The following ANO3 variants were observed in gnomAD, a reference collection of about 807,000 sequenced individuals.
ANO3 encodes anoctamin 3.
ANO3 carries 99 observed loss-of-function variants against 144.8 expected under a neutral mutation model. The ratio of observed to expected loss-of-function variants is 0.68; its 90% CI spans 0.58 to 0.81. The LOEUF is 0.81. Among genes scored for constraint, ANO3 ranks in the 30% least tolerant of loss-of-function variants. ANO3 has a pLI of 0.00. For missense variants in ANO3, 905 were observed against 1,202.2 expected, an observed-to-expected ratio of 0.75 and a Z score of 3.66; for synonymous variants, 414 against 392.6, an observed-to-expected ratio of 1.05 and a Z score of -0.64.
chr11:26,607,405 AG>A (rs900125213), intron 17 of ANO3, among the ~76,000 whole-genome samples: 7 of 152,158 alleles, frequency 4.6e-5, no homozygotes, highest in African/African-American at 1.7e-4. Context: ...AATATCCAGA[AG>A]TGTGTTTTCC....
intron 20 of ANO3, among the ~76,000 whole-genome samples, chr11:26,636,225 G>T (rs1037311963): frequency 2.0e-5 from 3 of 152,010 alleles, no homozygotes; most frequent in African/African-American, 7.2e-5. Flanking sequence ...ATAAAGAATA[G>T]CTATCCCAGT....
chr11:26,469,337 G>A (rs901070028), intron 4 of ANO3, among the ~76,000 whole-genome samples: 1 of 151,820 alleles, frequency 6.6e-6, no homozygotes, highest in African/African-American at 2.4e-5. Flanking sequence ...TGTGTGTGCA[G>A]GCGCATGTGA....
At chr11:26,442,582 G>A (rs1858558836) in intron 2 of ANO3, among the ~76,000 whole-genome samples, 2 of 152,192 alleles carry the variant, frequency 1.3e-5, no homozygotes, top group Non-Finnish European at 2.9e-5. Context: ...TGGTGTGCAA[G>A]GGCTGAATTT....
intron 9 of ANO3, 41 bp downstream of exon 9, chr11:26,534,603 C>G: frequency 7.4e-7 from 1 of 1,345,928 alleles, no homozygotes; most frequent in Non-Finnish European, 1.1e-6. Flanking sequence ...CTTGCTGTTA[C>G]TATTTATACC....
intron 1 of ANO3, among the ~76,000 whole-genome samples, chr11:26,416,118 T>C (rs779361849): frequency 3.3e-5 from 5 of 152,084 alleles, no homozygotes; most frequent in Admixed American, 1.3e-4. Context: ...ATAGTCTCCA[T>C]AAGAGCATCT....
intron 1 of ANO3, among the ~76,000 whole-genome samples, chr11:26,372,741 CAT>C (rs1343897308): frequency 2.0e-5 from 3 of 152,054 alleles, no homozygotes; most frequent in African/African-American, 7.2e-5. Context: ...ACGTGCATAA[CAT>C]ATTGAACGAA....
At chr11:26,415,235 G>A (rs16915643) in intron 1 of ANO3, among the ~76,000 whole-genome samples, 5,034 of 152,006 alleles carry the variant, frequency 0.033, 97 homozygotes, top group East Asian at 0.11. Context: ...AGACCTGCTA[G>A]GAATTTCAGA....
At chr11:26,385,831 A>G (rs1856711989) in intron 1 of ANO3, among the ~76,000 whole-genome samples, 1 of 99,618 alleles carries the variant, frequency 1.0e-5, no homozygotes, top group Non-Finnish European at 2.2e-5. Context: ...ACATACACAC[A>G]CACACACACA....
chr11:26,644,209 TAA>T (rs1208693925), intron 23 of ANO3, among the ~76,000 whole-genome samples: 1 of 152,238 alleles, frequency 6.6e-6, no homozygotes, highest in Non-Finnish European at 1.5e-5. Flanking sequence ...TAGTTGAGAT[TAA>T]GTTTACATCC....
chr11:26,408,018 A>G (rs1244741515), intron 1 of ANO3, among the ~76,000 whole-genome samples: 3 of 152,052 alleles, frequency 2.0e-5, no homozygotes, highest in Non-Finnish European at 2.9e-5. Context: ...ACCCATAAAA[A>G]CCCTAGAAGA....
intron 1 of ANO3, among the ~76,000 whole-genome samples, chr11:26,191,301 T>A (rs1851471224): frequency 6.6e-6 from 1 of 150,944 alleles, no homozygotes; most frequent in Admixed American, 6.6e-5. Flanking sequence ...AACACATATA[T>A]ATATACACAC....
chr11:26,656,819 A>G (rs967759793), intron 26 of ANO3, among the ~76,000 whole-genome samples: 4 of 152,154 alleles, frequency 2.6e-5, no homozygotes, highest in African/African-American at 9.7e-5. Flanking sequence ...AAGAATCCAT[A>G]TCGATTCATT....
chr11:26,314,128 T>C (rs942475747), intron 1 of ANO3, among the ~76,000 whole-genome samples: 3 of 152,168 alleles, frequency 2.0e-5, no homozygotes, highest in African/African-American at 7.2e-5. Flanking sequence ...GTAGCCTTTA[T>C]ACCAGGCCTT....
intron 14 of ANO3, among the ~76,000 whole-genome samples, chr11:26,583,406 A>G (rs1851185863): frequency 6.6e-6 from 1 of 152,220 alleles, no homozygotes; most frequent in African/African-American, 2.4e-5. Flanking sequence ...GAGAGATTCC[A>G]TGTCCTTGGA....
upstream of ANO3, among the ~76,000 whole-genome samples, chr11:26,309,180 G>A (rs192276164): frequency 7.9e-5 from 12 of 152,240 alleles, no homozygotes; most frequent in East Asian, 2.1e-3. Context: ...GATAAAGAAG[G>A]CATTCTAGAC....
At chr11:26,211,366 AG>A (rs1204037164) in intron 1 of ANO3, among the ~76,000 whole-genome samples, 1 of 152,146 alleles carries the variant, frequency 6.6e-6, no homozygotes, top group Non-Finnish European at 1.5e-5. Context: ...CCGTGTTTAG[AG>A]GGAAATTTAT....
chr11:26,594,536 A>G (rs1851551631), intron 14 of ANO3, among the ~76,000 whole-genome samples: 1 of 152,172 alleles, frequency 6.6e-6, no homozygotes, highest in Non-Finnish European at 1.5e-5. Flanking sequence ...TGAGAGGGAA[A>G]AAGGTACATG....
intron 1 of ANO3, among the ~76,000 whole-genome samples, chr11:26,276,671 C>T (rs1399342888): frequency 1.3e-5 from 2 of 152,246 alleles, no homozygotes; most frequent in African/African-American, 2.4e-5. Context: ...GGTTAGACCA[C>T]GCTTTCAAAG....
At chr11:26,472,310 A>G (rs1206377119) in intron 4 of ANO3, among the ~76,000 whole-genome samples, 1 of 151,998 alleles carries the variant, frequency 6.6e-6, no homozygotes, top group African/African-American at 2.4e-5. Flanking sequence ...TAATAATGTT[A>G]AATGATTACA....
Sources: allele counts gnomAD v4.1 joint callset (sites outside exome capture counted in the v4.1 genomes callset), GRCh38; gene constraint gnomAD v4.1.1; transcripts MANE v1.5; gene names NCBI Gene and HGNC (gene_info 2026-07-23, HGNC 2026-07-21).